ICE2: variants seen among roughly 807,000 people sequenced by gnomAD.
The protein encoded by ICE2 is little elongation complex subunit 2.
In ICE2, 87 loss-of-function variants were observed where a neutral mutation model predicts 105.4. The observed-to-expected ratio is 0.83, with a 90% CI of 0.69 to 0.99. ICE2 has a LOEUF of 0.99. Among genes scored for constraint, ICE2 ranks in the 50% least tolerant of loss-of-function variants. ICE2 has a pLI of 0.00. For synonymous variants in ICE2, 399 were observed against 392.0 expected (o/e 1.02, Z -0.21); for missense variants, 1,323 against 1,146.7 (o/e 1.15, Z -2.22).
chr15:60,429,626 TA>T (rs1203781379), intron 14 of ICE2, among the ~76,000 whole-genome samples: 1 of 152,210 alleles, frequency 6.6e-6, no homozygotes, highest in African/African-American at 2.4e-5. Flanking sequence ...TACAATATAT[TA>T]TGAAAAAATA....
intron 2 of ICE2, 35 bp downstream of exon 2, chr15:60,477,899 ACTC>A: frequency 6.4e-7 from 1 of 1,567,352 alleles, no homozygotes. Flanking sequence ...GCCCCACTAC[ACTC>A]CTCTTCAGTG....
intron 8 of ICE2, among the ~76,000 whole-genome samples, chr15:60,454,313 T>C (rs1449590531): frequency 6.6e-6 from 1 of 152,120 alleles, no homozygotes; most frequent in Non-Finnish European, 1.5e-5. Flanking sequence ...ATTGCTTATA[T>C]GTATAGACTT....
At chr15:60,467,813 T>A (rs982962328) in intron 4 of ICE2, among the ~76,000 whole-genome samples, 6 of 152,184 alleles carry the variant, frequency 3.9e-5, no homozygotes, top group African/African-American at 1.2e-4. Context: ...AAAATTGGTA[T>A]AATCTATGTA....
chr15:60,457,651 T>C (rs1254986589), intron 5 of ICE2, among the ~76,000 whole-genome samples: 1 of 152,176 alleles, frequency 6.6e-6, no homozygotes, highest in Non-Finnish European at 1.5e-5. Flanking sequence ...AGTATATCTT[T>C]TCATCTATAG....
At chr15:60,431,195 T>TA (rs1156991383) in intron 14 of ICE2, among the ~76,000 whole-genome samples, 2 of 151,900 alleles carry the variant, frequency 1.3e-5, no homozygotes, top group African/African-American at 2.4e-5. Flanking sequence ...TTTTTTTTTT[T>TA]AATCTTGAAA....
intron 5 of ICE2, among the ~76,000 whole-genome samples, chr15:60,465,288 C>CT (rs1459176581): frequency 6.6e-6 from 1 of 151,966 alleles, no homozygotes; most frequent in Non-Finnish European, 1.5e-5. Flanking sequence ...ACCTCCTGGG[C>CT]TTAAGTGATC....
chr15:60,425,413 C>CTG (rs2063319452), intron 15 of ICE2, among the ~76,000 whole-genome samples: 1 of 152,150 alleles, frequency 6.6e-6, no homozygotes, highest in Admixed American at 6.5e-5. Flanking sequence ...CACTGCAAGA[C>CTG]TGTGTGTGTC....
At chr15:60,444,213 A>G (rs1034043196) in intron 11 of ICE2, among the ~76,000 whole-genome samples, 5 of 152,190 alleles carry the variant, frequency 3.3e-5, no homozygotes, top group Non-Finnish European at 5.9e-5. Flanking sequence ...GAAATGGGTA[A>G]GAGTTAATTC....
At position 60,448,913 on chromosome 15, in the gene ICE2, C is replaced by T. The variant is rs544687567; in HGVS notation, c.2054G>A (p.Gly685Asp). ...CGGCCAACTAGAGGAGTCTGAAGGA[C>T]CAGACAATTGCTCAGAAACAGAAGG... Reference protein sequence around the residue: ...KQPSVSEQLSGPSDSSSWPKS... With the variant: ...KQPSVSEQLSDPSDSSSWPKS... Residue 685 changes from glycine (G) to aspartate (D), a missense_variant, in exon 10 of 16, where the codon GGT becomes GAT. Coordinates refer to ENST00000261520, the MANE Select transcript of ICE2 (RefSeq NM_024611.6). 1.9e-6 allele frequency: 3 copies of T among 1,613,424 alleles called. No individual in the cohort carries two copies. The highest frequency in any genetic ancestry group is 2.2e-5 in the South Asian group (2 of 90,904).
chr15:60,467,220 C>T (rs931174107), intron 4 of ICE2, among the ~76,000 whole-genome samples: 2 of 152,156 alleles, frequency 1.3e-5, no homozygotes, highest in African/African-American at 4.8e-5. Flanking sequence ...GCCTCAGCCT[C>T]CCAAAGTGTT....
intron 13 of ICE2, 41 bp from the exon 14 acceptor site, chr15:60,432,025 A>AAACTTAC: frequency 8.5e-7 from 1 of 1,182,850 alleles, no homozygotes; most frequent in East Asian, 2.5e-5. Context: ...AAACTGCAAA[A>AAACTTAC]AACTTACTTT....
intron 14 of ICE2, among the ~76,000 whole-genome samples, chr15:60,429,415 T>C (rs1464856135): frequency 1.3e-5 from 2 of 152,210 alleles, no homozygotes; most frequent in African/African-American, 4.8e-5. Flanking sequence ...CCACAGGCCA[T>C]ACCCTTAATC....
At chr15:60,470,322 C>G (rs1274692725) in intron 3 of ICE2, among the ~76,000 whole-genome samples, 1 of 152,026 alleles carries the variant, frequency 6.6e-6, no homozygotes, top group Admixed American at 6.5e-5. Flanking sequence ...ATCCTAAGAA[C>G]ATAATGATCA....
intron 15 of ICE2, among the ~76,000 whole-genome samples, chr15:60,427,730 T>C (rs2063368096): frequency 6.6e-6 from 1 of 152,190 alleles, no homozygotes; most frequent in South Asian, 2.1e-4. Context: ...TGCAAAACTT[T>C]TCTAACAACT....
intron 14 of ICE2, among the ~76,000 whole-genome samples, chr15:60,429,398 T>G (rs970468932): frequency 3.3e-5 from 5 of 152,208 alleles, no homozygotes; most frequent in Non-Finnish European, 4.4e-5. Flanking sequence ...ACCCAGGCAT[T>G]TGAACTCCAC....
chr15:60,476,081 A>G lies in ICE2; in HGVS notation c.128T>C (p.Leu43Pro). The change falls in exon 3 of 16, where the codon CTA becomes CCA. Residue 43 changes from leucine to proline, a missense_variant. By Grantham distance (98) the Leu-to-Pro change is moderately conservative (BLOSUM62 -3). Transcript: ENST00000261520. Reference sequence around the variant, plus strand: ...ATATTACCTGTTGGATAAAACACGTAGTTCTTTTAAACTTGGAGCCATGGA... The same window carrying G: ...ATATTACCTGTTGGATAAAACACGTGGTTCTTTTAAACTTGGAGCCATGGA... ...DHSMAPSLKE[L>P]RVLSNRRIGE... The G allele has an allele frequency of 6.3e-7, 1 of 1,599,824 alleles. No individual in the cohort carries two copies. The highest frequency in any genetic ancestry group is 8.5e-7 in the Non-Finnish European group (1 of 1,173,522).
rs760681447 is a variant in ICE2 at position 60,448,157 on chromosome 15, G to A, written c.2120-12C>T. The A allele has an allele frequency of 4.5e-6, 7 of 1,562,592 alleles. No homozygotes were observed. The highest frequency in any genetic ancestry group is 1.1e-5 in the South Asian group (1 of 88,420). On this transcript the variant is annotated splice_polypyrimidine_tract_variant and intron_variant, in intron 10 of 15. Transcript: ENST00000261520. ...TTCATATGGCAATCCTTTAAAAATA[G>A]TATTTCTCATTTTTAAAATACATTA...
At chr15:60,442,265 C>G in intron 12 of ICE2, 151 bp downstream of exon 12, 1 of 656,534 alleles carries the variant, frequency 1.5e-6, no homozygotes, top group Non-Finnish European at 2.5e-6. Flanking sequence ...TATACTCCAG[C>G]CTGGGCAACA....
chr15:60,423,989 G>A (rs2063284269), intron 15 of ICE2, among the ~76,000 whole-genome samples: 1 of 152,128 alleles, frequency 6.6e-6, no homozygotes, highest in South Asian at 2.1e-4. Context: ...GAGTAGATGG[G>A]GAGCAAAGTG....
Sources: gnomAD v4.1 joint callset for allele counts (sites outside exome capture counted in the v4.1 genomes callset) on GRCh38, gnomAD v4.1.1 for gene constraint, MANE v1.5 for transcripts, NCBI Gene and HGNC (gene_info 2026-07-23, HGNC 2026-07-21) for gene names.